CFDP1: variants seen among roughly 807,000 people sequenced by gnomAD.
CFDP1 encodes heterochromatin-stabilizing protein CFDP1.
A neutral mutation model predicts 40.1 loss-of-function variants in CFDP1; 31 were observed. The observed-to-expected ratio is 0.77, with a 90% CI of 0.58 to 1.04. The LOEUF is 1.04. Among genes scored for constraint, CFDP1 ranks in the 50% least tolerant of loss-of-function variants. The pLI is 0.00. For missense variants in CFDP1, 423 were observed against 343.4 expected (o/e 1.23, Z -1.83); for synonymous variants, 167 against 120.0 (o/e 1.39, Z -2.56).
chr16:75,314,490 T>C (rs2078312762), intron 5 of CFDP1, among the ~76,000 whole-genome samples: 1 of 151,552 alleles, frequency 6.6e-6, no homozygotes, highest in Non-Finnish European at 1.5e-5. Flanking sequence ...GAGTTGGGGG[T>C]GGTAGTTGCT....
At chr16:75,294,891 G>GGC (rs1182826461) in intron 6 of CFDP1, among the ~76,000 whole-genome samples, 2 of 152,192 alleles carry the variant, frequency 1.3e-5, no homozygotes, top group Non-Finnish European at 2.9e-5. Context: ...CTGAAGCACA[G>GGC]GCGCGCTTGC....
At chr16:75,327,036 C>A (rs9935967) in intron 5 of CFDP1, among the ~76,000 whole-genome samples, 25,058 of 152,090 alleles carry the variant, frequency 0.16, 2,242 homozygotes, top group Middle Eastern at 0.23. Flanking sequence ...TTTGGGAGGC[C>A]GAGGCGGGCG....
chr16:75,371,043 C>T (rs2078747666), intron 5 of CFDP1, among the ~76,000 whole-genome samples: 1 of 152,124 alleles, frequency 6.6e-6, no homozygotes, highest in East Asian at 1.9e-4. Context: ...AAGCCAATTC[C>T]AGAATTGTAA....
intron 4 of CFDP1, among the ~76,000 whole-genome samples, chr16:75,407,780 G>C (rs971628974): frequency 6.6e-6 from 1 of 151,774 alleles, no homozygotes; most frequent in East Asian, 1.9e-4. Context: ...ATTGAAAATG[G>C]CTATAATGAA....
At chr16:75,372,092 T>TG (rs1275675258) in intron 5 of CFDP1, 2 of 152,206 alleles carry the variant, frequency 1.3e-5, no homozygotes, top group African/African-American at 4.8e-5. Context: ...CAGGCAATCC[T>TG]GTTCAAGTCA....
At chr16:75,314,274 C>G (rs1292929127) in intron 5 of CFDP1, among the ~76,000 whole-genome samples, 1 of 152,054 alleles carries the variant, frequency 6.6e-6, no homozygotes, top group South Asian at 2.1e-4. Context: ...ACTTAATGGG[C>G]TACAAAAAGG....
At chr16:75,312,652 T>C (rs1478606703) in intron 5 of CFDP1, among the ~76,000 whole-genome samples, 1 of 152,174 alleles carries the variant, frequency 6.6e-6, no homozygotes, top group East Asian at 1.9e-4. Flanking sequence ...TCCAGAAACA[T>C]ATTACAGAAA....
chr16:75,322,010 G>C (rs1300359510), intron 5 of CFDP1: 1 of 152,212 alleles, frequency 6.6e-6, no homozygotes, highest in Non-Finnish European at 1.5e-5. Context: ...AATTTTAGTA[G>C]AGACGGGGTT....
chr16:75,328,087 G>C (rs369805408), intron 5 of CFDP1, among the ~76,000 whole-genome samples: 1 of 151,776 alleles, frequency 6.6e-6, no homozygotes, highest in East Asian at 2.0e-4. Context: ...GGATGTTGAG[G>C]GGCAGGAGGT....
At chr16:75,300,491 G>A (rs985277909) in intron 6 of CFDP1, among the ~76,000 whole-genome samples, 2 of 152,064 alleles carry the variant, frequency 1.3e-5, no homozygotes, top group Non-Finnish European at 2.9e-5. Flanking sequence ...TTCACCATGT[G>A]GGCCAGGCTG....
chr16:75,347,416 ACGC>A (rs1308382363), intron 5 of CFDP1, among the ~76,000 whole-genome samples: 1 of 151,520 alleles, frequency 6.6e-6, no homozygotes, highest in Non-Finnish European at 1.5e-5. Context: ...GCAGTGGCTC[ACGC>A]CTGTAATCCC....
intron 5 of CFDP1, among the ~76,000 whole-genome samples, chr16:75,352,578 A>C (rs2078620725): frequency 1.3e-5 from 2 of 152,306 alleles, no homozygotes; most frequent in African/African-American, 4.8e-5. Context: ...TTTTAAAAAA[A>C]TAATAATTTT....
chr16:75,313,112 G>A (rs1237911358), intron 5 of CFDP1, among the ~76,000 whole-genome samples: 1 of 152,132 alleles, frequency 6.6e-6, no homozygotes, highest in Non-Finnish European at 1.5e-5. Flanking sequence ...TGTGTCTCTT[G>A]CCACAAAGAG....
At chr16:75,389,322 G>A (rs1162839547) in intron 5 of CFDP1, among the ~76,000 whole-genome samples, 1 of 152,202 alleles carries the variant, frequency 6.6e-6, no homozygotes, top group Non-Finnish European at 1.5e-5. Flanking sequence ...ATTAAGCTTT[G>A]TACTTTACTA....
chr16:75,361,749 T>A (rs2078680857), intron 5 of CFDP1, among the ~76,000 whole-genome samples: 3 of 152,228 alleles, frequency 2.0e-5, no homozygotes, highest in Admixed American at 2.0e-4. Context: ...GCACCCTCCA[T>A]AAATACACTG....
chr16:75,393,736 G>T (rs4888402), intron 5 of CFDP1, among the ~76,000 whole-genome samples: 49,331 of 76,430 alleles, frequency 0.65, 14,668 homozygotes, highest in Admixed American at 0.72. Context: ...AGACTCCGTC[G>T]CAAAAAAAAA....
intron 5 of CFDP1, among the ~76,000 whole-genome samples, chr16:75,347,687 A>G (rs2078579343): frequency 6.6e-6 from 1 of 152,244 alleles, no homozygotes; most frequent in African/African-American, 2.4e-5. Flanking sequence ...TCAAAAAAAA[A>G]GGAAGAACAA....
At chr16:75,298,467 C>T (rs1486092892) in intron 6 of CFDP1, among the ~76,000 whole-genome samples, 2 of 152,206 alleles carry the variant, frequency 1.3e-5, no homozygotes, top group Non-Finnish European at 2.9e-5. Context: ...CACTCCAAAG[C>T]TGCATTACTA....
At chr16:75,385,365 C>G (rs570698227) in intron 5 of CFDP1, among the ~76,000 whole-genome samples, 1 of 152,070 alleles carries the variant, frequency 6.6e-6, no homozygotes, top group African/African-American at 2.4e-5. Context: ...CAGAAAGGAA[C>G]TTTCACTGCC....
Sources: gnomAD v4.1 joint callset for allele counts (sites outside exome capture counted in the v4.1 genomes callset) on GRCh38, gnomAD v4.1.1 for gene constraint, MANE v1.5 for transcripts, NCBI Gene and HGNC (gene_info 2026-07-23, HGNC 2026-07-21) for gene names.